The following NMRK2 variants were observed in gnomAD, a reference collection of about 807,000 sequenced individuals.
The protein encoded by NMRK2 is NRK 2.
NMRK2 carries 34 observed loss-of-function variants against 24.7 expected under a neutral mutation model. The ratio of observed to expected loss-of-function variants is 1.37; its 90% CI spans 1.05 to 1.83. The LOEUF (loss-of-function observed/expected upper bound fraction) is 1.83, where lower values mean the gene tolerates loss of function less well. NMRK2 is among the 40% of genes most tolerant of loss of function. NMRK2 has a pLI of 0.00. For missense variants in NMRK2, 341 were observed against 315.0 expected (o/e 1.08, Z -0.62); for synonymous variants, 145 against 125.6 (o/e 1.15, Z -1.03).
rs2039265041 is a variant in NMRK2, at chr19:3,938,727, C to G, written c.291C>G (p.Leu97=). Residue 97 remains leucine, a synonymous_variant, in exon 5 of 8, where the codon CTC becomes CTG. Transcript: ENST00000168977. ...CAGAGGCCTCGGACACCCACATCCTCCTCCTGGAAGGCTTCCTGCTCTACA... is the reference window on the plus strand; with the variant it reads ...CAGAGGCCTCGGACACCCACATCCTGCTCCTGGAAGGCTTCCTGCTCTACA... The part of the protein sequence containing the change: ...VQPEASDTHI[L]LLEGFLLYSY... 2 of 1,608,886 alleles carry G rather than the reference C, an allele frequency of 1.2e-6. No homozygotes were observed. The highest frequency in any genetic ancestry group is 1.7e-6 in the Non-Finnish European group (2 of 1,177,626).
Position 3,942,180 on chromosome 19 carries a change from C to CA in NMRK2, c.600_601insA (p.Ser201IlefsTer58), listed in dbSNP as rs2039345926. 1 of 1,613,274 alleles carries CA rather than the reference C, an allele frequency of 6.2e-7. No individual in the cohort carries two copies. Among genetic ancestry groups the CA allele is most frequent in the African/African-American group, 1.3e-5 (1 of 75,082 alleles). On this transcript the variant is annotated frameshift_variant, in exon 8 of 8. Coordinates refer to ENST00000168977, the MANE Select transcript of NMRK2 (RefSeq NM_170678.3). LOFTEE classifies it low-confidence loss of function (END_TRUNC). ...TGAACCGCTCCCAGGAATCAGCCCCCTCCCCGGCTCGCCCAGCCAGGACAC... is the reference window on the plus strand; with the variant it reads ...TGAACCGCTCCCAGGAATCAGCCCCCATCCCCGGCTCGCCCAGCCAGGACAC...
intron 2 of NMRK2, among the ~76,000 whole-genome samples, chr19:3,934,590 T>G (rs1434841373): frequency 6.6e-6 from 1 of 150,896 alleles, no homozygotes; most frequent in Admixed American, 6.6e-5. Context: ...GTTGTTGCCG[T>G]CGTAGTTTGA....
chr19:3,935,151 C>A (rs988457135), intron 2 of NMRK2, among the ~76,000 whole-genome samples: 2 of 151,896 alleles, frequency 1.3e-5, no homozygotes, highest in African/African-American at 4.8e-5. Context: ...TCTCCAAATG[C>A]TGGGATTACA....
At chr19:3,938,515 C>G (rs1363121452) in intron 4 of NMRK2, 88 bp from the exon 5 acceptor site, 1 of 1,272,972 alleles carries the variant, frequency 7.9e-7, no homozygotes, top group African/African-American at 1.5e-5. Context: ...TCCACCGTCC[C>G]CTGGGGTCCG....
chr19:3,941,192 A>G lies in NMRK2; in HGVS notation c.502+15A>G. On this transcript the variant is annotated intron_variant, in intron 7 of 7. Transcript: ENST00000168977. ...TGTGGAAGTGGGTAAGCCCCTGAGCATGACCAGGCCTTGCCCCGGGCGGGC... is the reference window on the plus strand; with the variant it reads ...TGTGGAAGTGGGTAAGCCCCTGAGCGTGACCAGGCCTTGCCCCGGGCGGGC... 1.2e-6 allele frequency: 1 copy of G among 840,084 alleles called. No homozygotes were observed. Among genetic ancestry groups the G allele is most frequent in the Non-Finnish European group, 1.8e-6 (1 of 544,332 alleles). 52.0% of individuals were successfully genotyped at this position (840,084 alleles called of 1,614,324 possible).
chr19:3,941,939 C>T (rs2039340074), intron 7 of NMRK2, 144 bp from the exon 8 acceptor site: 4 of 643,806 alleles, frequency 6.2e-6, no homozygotes, highest in African/African-American at 5.5e-5. Context: ...CCGCGCCCGG[C>T]CCCCTCTTGC....
In NMRK2 at chr19:3,933,760, G is replaced by T. The variant is rs1055138486; in HGVS notation, c.26+63G>T. On this transcript the variant is annotated intron_variant, in intron 2 of 7. Transcript: ENST00000168977. ...CAAAGCCCCCTGTGCGCGCAGAGGG[G>T]GAGGCCCGGGAATGAATGGAGGGAT... The T allele has an allele frequency of 1.0e-5, 14 of 1,356,278 alleles. No homozygotes were observed. In the East Asian group the frequency reaches 4.3e-4, roughly 42 times the overall value. 84.0% of individuals were successfully genotyped at this position (1,356,278 alleles called of 1,614,324 possible). A position where few individuals can be genotyped will look rare whatever the true frequency, so the allele number is the denominator to read the frequency against.
intron 2 of NMRK2, among the ~76,000 whole-genome samples, chr19:3,935,828 C>A (rs1277890893): frequency 6.6e-6 from 1 of 152,042 alleles, no homozygotes; most frequent in Non-Finnish European, 1.5e-5. Flanking sequence ...GCTTCGGCCT[C>A]CCAAAGTGCT....
In NMRK2 at chr19:3,933,652, C is replaced by A. The variant is rs766853054; in HGVS notation, c.-20C>A. On this transcript the variant is annotated 5_prime_UTR_variant, in exon 2 of 8. Transcript: ENST00000168977. ...CCCGGGCTGCCTTGGAAGTCGTCCC[C>A]GCCGCCCCTCCGCACCGGCATGAAG... 1 of 1,516,256 alleles carries A rather than the reference C, an allele frequency of 6.6e-7. No homozygotes were observed. The highest frequency in any genetic ancestry group is 1.2e-5 in the South Asian group (1 of 82,824). The allele number at this position is 1,516,256 out of a possible 1,614,324, so 93.9% of individuals were successfully genotyped here. A position where few individuals can be genotyped will look rare whatever the true frequency, so the allele number is the denominator to read the frequency against.
chr19:3,939,903 C>T lies in NMRK2; in HGVS notation c.327C>T (p.Pro109=), dbSNP rs1321228755. The T allele has an allele frequency of 6.2e-7, 1 of 1,613,304 alleles. No individual in the cohort carries two copies. The highest frequency in any genetic ancestry group is 1.1e-5 in the South Asian group (1 of 91,040). The change falls in exon 6 of 8, where the codon CCC becomes CCT. Residue 109 remains proline, a synonymous_variant. Transcript: ENST00000168977. ...GTGTCTCCCCCACTCCGCCCAGGCC[C>T]CTGGTGGACTTGTACAGCCGCCGGT... is the stretch of plus-strand genomic sequence containing the variant. ...LEGFLLYSYK[P]LVDLYSRRYF...
intron 4 of NMRK2, among the ~76,000 whole-genome samples, 198 bp from the exon 5 acceptor site, chr19:3,938,405 G>A (rs1373852316): frequency 8.2e-6 from 1 of 121,368 alleles, no homozygotes; most frequent in Non-Finnish European, 1.6e-5. Flanking sequence ...TGCAATGCCC[G>A]CTCCCCGTCC....
Position 3,936,621 on chromosome 19 carries a change from G to T in NMRK2, c.73G>T (p.Ala25Ser), listed in dbSNP as rs1298456954. The change falls in exon 3 of 8, where the codon GCC (alanine) becomes TCC (serine). Residue 25 changes from alanine to serine, a missense_variant. Physicochemically the swap from Ala to Ser is moderately conservative, Grantham distance 99. Transcript: ENST00000168977. The stretch of plus-strand genomic sequence containing the variant: ...CACGCTGACCAACAGCCTGCTCAGA[G>T]CCCTGCCCAACTGCTGCGTGATCCA... ...KTTLTNSLLRALPNCCVIHQD... is the reference protein window; with the variant it reads ...KTTLTNSLLRSLPNCCVIHQD... The T allele has an allele frequency of 1.3e-6, 2 of 1,575,260 alleles. No individual in the cohort carries two copies. Among genetic ancestry groups the T allele is most frequent in the Non-Finnish European group, 1.7e-6 (2 of 1,160,852 alleles).
chr19:3,938,519 G>A (rs191872350), intron 4 of NMRK2, 84 bp from the exon 5 acceptor site: 13 of 1,290,296 alleles, frequency 1.0e-5, no homozygotes, highest in Non-Finnish European at 1.3e-5. Context: ...CCGTCCCCTG[G>A]GGTCCGCCCT....
chr19:3,934,734 A>G (rs753624684), intron 2 of NMRK2, among the ~76,000 whole-genome samples: 9 of 151,908 alleles, frequency 5.9e-5, no homozygotes, highest in Non-Finnish European at 1.3e-4. Flanking sequence ...GGCGTGAACC[A>G]CATGCCTGTC....
At chr19:3,936,123 A>C (rs1374734333) in intron 2 of NMRK2, among the ~76,000 whole-genome samples, 4 of 152,092 alleles carry the variant, frequency 2.6e-5, no homozygotes, top group East Asian at 2.0e-4. Context: ...AGGCAAAAGA[A>C]TTGCTTGAAC....
chr19:3,939,795 A>T, intron 5 of NMRK2, 105 bp from the exon 6 acceptor site: 1 of 965,082 alleles, frequency 1.0e-6, no homozygotes, highest in Non-Finnish European at 1.6e-6. Flanking sequence ...AGACCACCCC[A>T]TGTGCTCGCC....
chr19:3,939,861 G>C lies in NMRK2; in HGVS notation c.324-39G>C, dbSNP rs902963358. The C allele has an allele frequency of 1.9e-6, 3 of 1,574,966 alleles. No individual in the cohort carries two copies. The East Asian group carries it at 6.7e-5, about 35-fold the overall frequency. On this transcript the variant is annotated intron_variant, in intron 5 of 7. Transcript: ENST00000168977. Reference sequence around the variant, plus strand: ...ATATTTTGACTGCGGTTGAAGGAAAGCTCACAGGTGCTGACCGTGTCTCCC... The same window carrying C: ...ATATTTTGACTGCGGTTGAAGGAAACCTCACAGGTGCTGACCGTGTCTCCC...
rs918772778 is a variant in NMRK2, at chr19:3,934,551, G to C, written c.26+854G>C. ...TTGAATTTCATATTTTTTGTTTTTT[G>C]GGGTTTTTTTTTTTGGGGGGGGGGT... On this transcript the variant is annotated intron_variant, in intron 2 of 7. Coordinates refer to ENST00000168977, the MANE Select transcript of NMRK2 (RefSeq NM_170678.3). 3.4e-4 allele frequency among the ~76,000 whole-genome samples: 24 copies of C among 70,168 alleles called. No individual in the cohort carries two copies. The East Asian group carries it at 0.028, about 81-fold the overall frequency. 46.0% of individuals were successfully genotyped at this position (70,168 alleles called of 152,430 possible). A position where few individuals can be genotyped will look rare whatever the true frequency, so the allele number is the denominator to read the frequency against.
In NMRK2 at chr19:3,938,455, C is replaced by T; in HGVS notation, c.167-148C>T. 3 of 538,834 alleles carry T rather than the reference C, an allele frequency of 5.6e-6. No individual in the cohort carries two copies. The South Asian group carries it at 9.3e-5, about 17-fold the overall frequency. The allele number at this position is 538,834 out of a possible 1,614,324, so 33.4% of individuals were successfully genotyped here. On this transcript the variant is annotated intron_variant, in intron 4 of 7. Coordinates refer to ENST00000168977, the MANE Select transcript of NMRK2 (RefSeq NM_170678.3). ...GTCCACCCTCCTGCAATACCTGCTC[C>T]CCGTCCACTGTCCCCCCGGGGTCCA...
Sources: allele counts gnomAD v4.1 joint callset (sites outside exome capture counted in the v4.1 genomes callset), GRCh38; gene constraint gnomAD v4.1.1; transcripts MANE v1.5; gene names NCBI Gene and HGNC (gene_info 2026-07-23, HGNC 2026-07-21).